The following LHFPL3 variants were observed in gnomAD, a reference collection of about 807,000 sequenced individuals.
LHFPL3 encodes LHFPL tetraspan subfamily member 3.
A neutral mutation model predicts 19.3 loss-of-function variants in LHFPL3; 5 were observed. That is an observed-to-expected ratio of 0.26 (90% CI 0.14 to 0.54). LHFPL3 has a LOEUF of 0.54. LHFPL3 is among the 20% of genes least tolerant of loss of function. The pLI is 0.94. For missense variants in LHFPL3, 249 were observed against 307.4 expected (o/e 0.81, Z 1.42); for synonymous variants, 133 against 126.2 (o/e 1.05, Z -0.36).
At chr7:104,507,068 A>G (rs1356378816) in intron 1 of LHFPL3, among the ~76,000 whole-genome samples, 1 of 152,200 alleles carries the variant, frequency 6.6e-6, no homozygotes, top group Non-Finnish European at 1.5e-5. Flanking sequence ...AATGGAAATA[A>G]AAGATATCAA....
At chr7:104,728,128 A>G (rs1793624350) in intron 1 of LHFPL3, among the ~76,000 whole-genome samples, 1 of 152,134 alleles carries the variant, frequency 6.6e-6, no homozygotes, top group Non-Finnish European at 1.5e-5. Context: ...TTATTCTGTA[A>G]AATAACAAAT....
chr7:104,666,560 C>T lies in LHFPL3; in HGVS notation c.446-70115C>T, dbSNP rs374969303. 7.6e-3 allele frequency among the ~76,000 whole-genome samples: 656 copies of T among 86,146 alleles called. 42 individuals are homozygous for T. The East Asian group carries it at 0.15, about 19-fold the overall frequency. 56.5% of individuals were successfully genotyped at this position (86,146 alleles called of 152,430 possible). On this transcript the variant is annotated intron_variant, in intron 1 of 2. Transcript: ENST00000424859. ...TTTTTGAGACGGAGTCTCGCTCTGT[C>T]GCCCAGGCTGGAGTGCAGTGGCGGG...
chr7:104,552,935 C>T (rs565417919), intron 1 of LHFPL3, among the ~76,000 whole-genome samples: 1 of 152,240 alleles, frequency 6.6e-6, no homozygotes, highest in African/African-American at 2.4e-5. Context: ...TACTTAATTT[C>T]TTCATGTTTC....
At chr7:104,713,183 G>A (rs1367235773) in intron 1 of LHFPL3, among the ~76,000 whole-genome samples, 1 of 152,086 alleles carries the variant, frequency 6.6e-6, no homozygotes. Context: ...GAGCAAATAG[G>A]TACTAATATT....
intron 1 of LHFPL3, among the ~76,000 whole-genome samples, chr7:104,593,505 T>C (rs1172947798): frequency 6.6e-6 from 1 of 152,124 alleles, no homozygotes; most frequent in African/African-American, 2.4e-5. Flanking sequence ...CCGAGAAGAA[T>C]GTATACTCTG....
chr7:104,352,763 T>G (rs1035405045), intron 1 of LHFPL3, among the ~76,000 whole-genome samples: 25 of 152,238 alleles, frequency 1.6e-4, no homozygotes, highest in African/African-American at 6.0e-4. Context: ...TTTCTTTCAG[T>G]GGAGGACAGT....
chr7:104,345,389 T>C (rs1206020687), intron 1 of LHFPL3, among the ~76,000 whole-genome samples: 1 of 152,198 alleles, frequency 6.6e-6, no homozygotes, highest in Admixed American at 6.5e-5. Context: ...CCTTCTGTTT[T>C]CTTTGGGTTT....
chr7:104,360,625 A>T (rs1440696690), intron 1 of LHFPL3, among the ~76,000 whole-genome samples: 1 of 151,248 alleles, frequency 6.6e-6, no homozygotes, highest in African/African-American at 2.4e-5. Flanking sequence ...CTTTGTAGTC[A>T]TTATATTTTC....
chr7:104,488,897 T>C (rs1302973119), intron 1 of LHFPL3, among the ~76,000 whole-genome samples: 1 of 152,072 alleles, frequency 6.6e-6, no homozygotes, highest in Non-Finnish European at 1.5e-5. Flanking sequence ...AGGTTTTGAG[T>C]TCTTGGAAGT....
At chr7:104,811,374 A>AT (rs561621328) in intron 2 of LHFPL3, among the ~76,000 whole-genome samples, 1 of 151,740 alleles carries the variant, frequency 6.6e-6, no homozygotes, top group South Asian at 2.1e-4. Context: ...TTTTAATTTT[A>AT]TTTTTTTGTA....
chr7:104,552,609 T>A (rs1311589588), intron 1 of LHFPL3, among the ~76,000 whole-genome samples: 1 of 152,218 alleles, frequency 6.6e-6, no homozygotes, highest in Admixed American at 6.5e-5. Context: ...ACAATAGGGA[T>A]CTGAATCAGG....
intron 1 of LHFPL3, among the ~76,000 whole-genome samples, chr7:104,546,950 C>A (rs1794586528): frequency 1.0e-5 from 1 of 96,246 alleles, no homozygotes; most frequent in Admixed American, 1.1e-4. Flanking sequence ...GAAATAGTAG[C>A]TCAAGGCCGG....
chr7:104,616,106 T>C (rs1054972443), intron 1 of LHFPL3, among the ~76,000 whole-genome samples: 1 of 152,130 alleles, frequency 6.6e-6, no homozygotes, highest in South Asian at 2.1e-4. Context: ...CAAGCTACCA[T>C]TGACTTTCTT....
At chr7:104,645,493 A>G (rs182920895) in intron 1 of LHFPL3, among the ~76,000 whole-genome samples, 2 of 152,194 alleles carry the variant, frequency 1.3e-5, no homozygotes, top group African/African-American at 2.4e-5. Flanking sequence ...TATGTTCCCT[A>G]AGATGATCTC....
At chr7:104,627,381 A>C (rs1192876350) in intron 1 of LHFPL3, among the ~76,000 whole-genome samples, 1 of 152,098 alleles carries the variant, frequency 6.6e-6, no homozygotes, top group Non-Finnish European at 1.5e-5. Context: ...CCATTAATGG[A>C]TGCTTAGGTT....
chr7:104,725,000 C>A (rs1045223958), intron 1 of LHFPL3, among the ~76,000 whole-genome samples: 1 of 152,192 alleles, frequency 6.6e-6, no homozygotes, highest in Non-Finnish European at 1.5e-5. Context: ...TTCAGAAATT[C>A]TCTTTTTGTA....
intron 1 of LHFPL3, among the ~76,000 whole-genome samples, chr7:104,612,871 G>A (rs984776457): frequency 6.6e-6 from 1 of 152,144 alleles, no homozygotes; most frequent in Admixed American, 6.5e-5. Context: ...CAATTAACCT[G>A]TGACATTAAT....
intron 2 of LHFPL3, among the ~76,000 whole-genome samples, chr7:104,752,111 G>A (rs1794186280): frequency 6.6e-6 from 1 of 152,158 alleles, no homozygotes; most frequent in Admixed American, 6.5e-5. Flanking sequence ...TAATGTTACA[G>A]GCACCTGACC....
chr7:104,736,507 C>CCA (rs57904267), intron 1 of LHFPL3, among the ~76,000 whole-genome samples, 168 bp from the exon 2 acceptor site: 62,829 of 150,560 alleles, frequency 0.42, 13,167 homozygotes, highest in African/African-American at 0.47. Flanking sequence ...GTTTGCATGC[C>CCA]CACACACACA....
Sources: allele counts gnomAD v4.1 joint callset (sites outside exome capture counted in the v4.1 genomes callset), GRCh38; gene constraint gnomAD v4.1.1; transcripts MANE v1.5; gene names NCBI Gene and HGNC (gene_info 2026-07-23, HGNC 2026-07-21).